The following SLC1A2 variants were observed in gnomAD, a reference collection of about 807,000 sequenced individuals.
The protein encoded by SLC1A2 is excitatory amino acid transporter 2.
A neutral mutation model predicts 48.8 loss-of-function variants in SLC1A2; 15 were observed. The ratio of observed to expected loss-of-function variants is 0.31; its 90% CI spans 0.21 to 0.47. The LOEUF (loss-of-function observed/expected upper bound fraction) is 0.47, where lower values mean the gene tolerates loss of function less well. Ranked by LOEUF, SLC1A2 falls within the 20% of genes least tolerant of loss-of-function variation. SLC1A2 has a pLI of 0.99. For missense variants in SLC1A2, 502 were observed against 730.5 expected (o/e 0.69, Z 3.61); for synonymous variants, 279 against 272.6 (o/e 1.02, Z -0.23).
At chr11:35,333,827 A>AT (rs373988431) in intron 1 of SLC1A2, among the ~76,000 whole-genome samples, 1,754 of 126,086 alleles carry the variant, frequency 0.014, 15 homozygotes, top group Non-Finnish European at 0.019. Flanking sequence ...ATGCCAGCTA[A>AT]TTTTTTTTTT....
intron 1 of SLC1A2, chr11:35,359,948 C>G (rs11033093): frequency 0.16 from 41,508 of 260,308 alleles, 4,535 homozygotes; most frequent in African/African-American, 0.35. Flanking sequence ...ATTTTTCTGC[C>G]TTTTCATTTC....
chr11:35,265,376 T>A (rs1279140463), intron 10 of SLC1A2, 151 bp downstream of exon 10: 1 of 603,560 alleles, frequency 1.7e-6, no homozygotes, highest in African/African-American at 1.9e-5. Flanking sequence ...AATTAGATGA[T>A]CTGGGACTCA....
intron 1 of SLC1A2, among the ~76,000 whole-genome samples, chr11:35,337,612 C>T (rs774311733): frequency 3.9e-5 from 6 of 152,092 alleles, no homozygotes; most frequent in Non-Finnish European, 8.8e-5. Flanking sequence ...AACAGGTGTA[C>T]CATGGGTGTA....
intron 9 of SLC1A2, among the ~76,000 whole-genome samples, chr11:35,274,719 T>A (rs529276012): frequency 1.3e-5 from 2 of 152,344 alleles, no homozygotes; most frequent in East Asian, 3.9e-4. Context: ...ATAAGTTACT[T>A]CTCTCTGAAC....
At chr11:35,333,522 C>T (rs1852505467) in intron 1 of SLC1A2, among the ~76,000 whole-genome samples, 1 of 152,006 alleles carries the variant, frequency 6.6e-6, no homozygotes, top group South Asian at 2.1e-4. Flanking sequence ...ATTTATTCAC[C>T]TTAAGATAAG....
At chr11:35,388,222 A>G (rs929274136) in intron 1 of SLC1A2, among the ~76,000 whole-genome samples, 2 of 152,258 alleles carry the variant, frequency 1.3e-5, no homozygotes, top group African/African-American at 2.4e-5. Context: ...TACTGAAAAG[A>G]GAAAGACCCG....
chr11:35,289,412 A>G (rs1850925909), intron 7 of SLC1A2, among the ~76,000 whole-genome samples: 1 of 151,936 alleles, frequency 6.6e-6, no homozygotes, highest in Non-Finnish European at 1.5e-5. Flanking sequence ...CATCCAGGCA[A>G]AAACCACATT....
intron 1 of SLC1A2, among the ~76,000 whole-genome samples, chr11:35,406,112 A>G (rs1855285815): frequency 6.6e-6 from 1 of 152,162 alleles, no homozygotes; most frequent in East Asian, 1.9e-4. Flanking sequence ...CTCTGTTATG[A>G]TGAGTTGCTA....
At chr11:35,358,343 T>C (rs961962104) in intron 1 of SLC1A2, among the ~76,000 whole-genome samples, 4 of 152,208 alleles carry the variant, frequency 2.6e-5, no homozygotes, top group African/African-American at 9.6e-5. Flanking sequence ...GCAATGAGCA[T>C]GTAGAACTTT....
At chr11:35,339,101 A>G (rs990758535) in intron 1 of SLC1A2, among the ~76,000 whole-genome samples, 3 of 152,222 alleles carry the variant, frequency 2.0e-5, no homozygotes, top group African/African-American at 7.2e-5. Context: ...CTTCTCATGC[A>G]GTAATTTGGG....
chr11:35,251,420 A>C lies in SLC1A2; in HGVS notation c.*9474T>G, dbSNP rs1403092697. Reference sequence around the variant, plus strand: ...CTACCCAAAATGTGCTTCATCAACAAGGCATTTTCTAGTAGCATATATGAG... The same window carrying C: ...CTACCCAAAATGTGCTTCATCAACACGGCATTTTCTAGTAGCATATATGAG... On this transcript the variant is annotated 3_prime_UTR_variant, in exon 11 of 11. Transcript: ENST00000278379. The C allele has an allele frequency of 6.6e-6, 1 of 152,662 alleles. No individual in the cohort carries two copies. The highest frequency in any genetic ancestry group is 1.5e-5 in the Non-Finnish European group (1 of 68,034). The allele number at this position is 152,662 out of a possible 1,614,324, so 9.5% of individuals were successfully genotyped here. A position where few individuals can be genotyped will look rare whatever the true frequency, so the allele number is the denominator to read the frequency against.
intron 1 of SLC1A2, among the ~76,000 whole-genome samples, chr11:35,352,523 T>C (rs374695719): frequency 2.0e-5 from 3 of 152,176 alleles, no homozygotes; most frequent in African/African-American, 4.8e-5. Context: ...ATTTTCACCA[T>C]CCCAAGGCCA....
At chr11:35,420,298 A>T (rs1855753142), upstream of SLC1A2, among the ~76,000 whole-genome samples, 1 of 151,690 alleles carries the variant, frequency 6.6e-6, no homozygotes, top group South Asian at 2.1e-4. Context: ...ACAGAGACAG[A>T]TGGGCTTGTG....
chr11:35,358,964 A>T (rs1002415106), intron 1 of SLC1A2, among the ~76,000 whole-genome samples: 17 of 152,244 alleles, frequency 1.1e-4, no homozygotes, highest in African/African-American at 4.1e-4. Flanking sequence ...TTATGCCTTT[A>T]GTACTATTAA....
In SLC1A2 at chr11:35,340,421, C is replaced by T. The variant is rs763733453; in HGVS notation, c.18-22905G>A. Among the ~76,000 whole-genome samples, 116 of 152,226 alleles carry T rather than the reference C, an allele frequency of 7.6e-4. 1 individual carries two copies. Among genetic ancestry groups the T allele is most frequent in the Non-Finnish European group, 3.2e-4 (22 of 68,032 alleles). On this transcript the variant is annotated intron_variant, in intron 1 of 10. Coordinates refer to ENST00000278379, the MANE Select transcript of SLC1A2 (RefSeq NM_004171.4). ...AGCTCCCTATCTGCTTTAGTATAGT[C>T]AGTGGACAATGTCTATCACTTCAAA...
intron 7 of SLC1A2, 109 bp from the exon 8 acceptor site, chr11:35,287,060 A>G: frequency 3.5e-6 from 3 of 868,164 alleles, no homozygotes; most frequent in Admixed American, 2.2e-5. Flanking sequence ...TTTTGTGTCA[A>G]TCAAGCAATG....
At chr11:35,290,348 T>C (rs1285550322) in intron 7 of SLC1A2, among the ~76,000 whole-genome samples, 2 of 152,208 alleles carry the variant, frequency 1.3e-5, no homozygotes, top group African/African-American at 2.4e-5. Context: ...TTGTAGTACA[T>C]ACAGTGCATT....
At chr11:35,301,996 A>C (rs1851371003) in intron 5 of SLC1A2, among the ~76,000 whole-genome samples, 1 of 152,212 alleles carries the variant, frequency 6.6e-6, no homozygotes, top group Non-Finnish European at 1.5e-5. Flanking sequence ...TTAACGAGGA[A>C]AAGCCTGTTG....
intron 10 of SLC1A2, among the ~76,000 whole-genome samples, chr11:35,263,346 T>C (rs908099063): frequency 3.9e-5 from 6 of 152,120 alleles, no homozygotes; most frequent in Non-Finnish European, 7.4e-5. Flanking sequence ...CACATGACTG[T>C]AATCCCAGCT....
Sources: gnomAD v4.1 joint callset for allele counts (sites outside exome capture counted in the v4.1 genomes callset) on GRCh38, gnomAD v4.1.1 for gene constraint, MANE v1.5 for transcripts, NCBI Gene and HGNC (gene_info 2026-07-23, HGNC 2026-07-21) for gene names.